CRIM1: variants seen among roughly 807,000 people sequenced by gnomAD.
The protein encoded by CRIM1 is cysteine-rich motor neuron 1 protein.
CRIM1 carries 32 observed loss-of-function variants against 116.4 expected under a neutral mutation model. That is an observed-to-expected ratio of 0.27 (90% CI 0.21 to 0.37). CRIM1 has a LOEUF of 0.37. Ranked by LOEUF, CRIM1 falls within the 10% of genes least tolerant of loss-of-function variation. The pLI, the probability that CRIM1 is intolerant of heterozygous loss-of-function variation, is 1.00. For synonymous variants in CRIM1, 590 were observed against 509.2 expected (o/e 1.16, Z -2.13); for missense variants, 1,331 against 1,354.8 (o/e 0.98, Z 0.28).
chr2:36,541,792 G>T (rs1666961407), intron 14 of CRIM1, among the ~76,000 whole-genome samples: 2 of 152,152 alleles, frequency 1.3e-5, no homozygotes, highest in African/African-American at 4.8e-5. Context: ...CTGTCCATCT[G>T]TAATGCCAAC....
chr2:36,356,501 G>C lies in CRIM1; in HGVS notation c.209G>C (p.Arg70Thr). The C allele has an allele frequency of 6.2e-7, 1 of 1,612,942 alleles. No individual in the cohort carries two copies. Among genetic ancestry groups the C allele is most frequent in the East Asian group, 2.2e-5 (1 of 44,836 alleles). ...TGCTGCTACACGTGCGCCAGCCAGA[G>C]GAACGAGAGCTGCGGCGGCACCTTC... Reference protein sequence around the residue: ...CGCCYTCASQRNESCGGTFGI... With the variant: ...CGCCYTCASQTNESCGGTFGI... Residue 70 changes from arginine to threonine, a missense_variant, in exon 1 of 17, where the codon AGG becomes ACG. Arg to Thr is a moderately conservative substitution (Grantham distance 71). Transcript: ENST00000280527. The surrounding 1 kb of genome is among the most constrained non-coding windows in gnomAD (Gnocchi z 4.3).
At chr2:36,438,324 G>A (rs1416941342) in intron 2 of CRIM1, among the ~76,000 whole-genome samples, 1 of 152,156 alleles carries the variant, frequency 6.6e-6, no homozygotes, top group Non-Finnish European at 1.5e-5. Flanking sequence ...TAGGAATTAA[G>A]TGCTATTTGC....
At chr2:36,538,949 C>A (rs748912924) in intron 14 of CRIM1, among the ~76,000 whole-genome samples, 4 of 152,156 alleles carry the variant, frequency 2.6e-5, no homozygotes, top group Non-Finnish European at 4.4e-5. Flanking sequence ...ATTTATTTCA[C>A]GAAGAGTCAT....
At chr2:36,494,224 G>A (rs955619234) in intron 7 of CRIM1, among the ~76,000 whole-genome samples, 11 of 151,766 alleles carry the variant, frequency 7.2e-5, no homozygotes, top group Admixed American at 2.0e-4. Flanking sequence ...GCTTAATTTC[G>A]CCATTGAGTA....
intron 2 of CRIM1, among the ~76,000 whole-genome samples, chr2:36,436,018 A>G (rs182468387): frequency 6.6e-6 from 1 of 151,970 alleles, no homozygotes; most frequent in African/African-American, 2.4e-5. Context: ...TAGACACCAT[A>G]GGGAAAGAGT....
intron 1 of CRIM1, among the ~76,000 whole-genome samples, chr2:36,362,641 G>GA (rs989790369): frequency 3.9e-5 from 6 of 152,204 alleles, no homozygotes; most frequent in African/African-American, 1.4e-4. Context: ...TCACATCTTT[G>GA]AAAACCTCTG....
At chr2:36,524,807 CTTTT>C (rs540458987) in intron 13 of CRIM1, among the ~76,000 whole-genome samples, 1 of 152,022 alleles carries the variant, frequency 6.6e-6, no homozygotes, top group Non-Finnish European at 1.5e-5. Context: ...TGTAGTCTTT[CTTTT>C]TATTTTTTAT....
At chr2:36,495,471 A>ATTT (rs1395233806) in intron 7 of CRIM1, among the ~76,000 whole-genome samples, 6 of 134,126 alleles carry the variant, frequency 4.5e-5, no homozygotes, top group South Asian at 2.4e-4. Flanking sequence ...TTATTTATTT[A>ATTT]TTTATTTTTT....
At chr2:36,384,796 C>G (rs1221386896) in intron 1 of CRIM1, among the ~76,000 whole-genome samples, 1 of 152,158 alleles carries the variant, frequency 6.6e-6, no homozygotes, top group Non-Finnish European at 1.5e-5. Flanking sequence ...TGCGAGATTT[C>G]TTAATGGGCC....
intron 4 of CRIM1, among the ~76,000 whole-genome samples, chr2:36,456,413 T>C (rs1357888208): frequency 2.0e-5 from 3 of 152,246 alleles, no homozygotes; most frequent in African/African-American, 7.2e-5. Context: ...GAATAACCTA[T>C]GTTGCTAAAC....
chr2:36,471,341 C>A (rs1348744691), intron 5 of CRIM1, among the ~76,000 whole-genome samples: 1 of 152,108 alleles, frequency 6.6e-6, no homozygotes, highest in Non-Finnish European at 1.5e-5. Context: ...GCATCACATG[C>A]TACAAAGAAA....
chr2:36,364,662 T>A (rs570566536), intron 1 of CRIM1, among the ~76,000 whole-genome samples: 1 of 152,208 alleles, frequency 6.6e-6, no homozygotes, highest in Non-Finnish European at 1.5e-5. Flanking sequence ...CAAACCTGCA[T>A]TGAAATCTTA....
Position 36,441,262 on chromosome 2 carries a change from G to C in CRIM1, c.510G>C (p.Glu170Asp). Residue 170 changes from glutamate (E) to aspartate (D), a missense_variant, in exon 3 of 17, where the codon GAG becomes GAC. Physicochemically the swap from Glu to Asp is conservative, Grantham distance 45 (BLOSUM62 2). This residue lies in a region of CRIM1 where 690 missense variants were observed against 676.0 expected (regional missense o/e 1.02). Transcript: ENST00000280527. ...CLSALKRIEE[E>D]KPDCSKARCE... is the part of the protein sequence containing the mutation. Reference sequence around the variant, plus strand: ...AATTCTTTCTCTCCCTTTTAGAAGAGAAGCCAGATTGCTCCAAGGCCCGCT... The same window carrying C: ...AATTCTTTCTCTCCCTTTTAGAAGACAAGCCAGATTGCTCCAAGGCCCGCT... 1 of 1,614,188 alleles carries C rather than the reference G, an allele frequency of 6.2e-7. No homozygotes were observed. Among genetic ancestry groups the C allele is most frequent in the South Asian group, 1.1e-5 (1 of 91,086 alleles).
chr2:36,409,600 G>C (rs1021518751), intron 2 of CRIM1, among the ~76,000 whole-genome samples: 2 of 152,200 alleles, frequency 1.3e-5, no homozygotes, highest in Non-Finnish European at 2.9e-5. Context: ...GAGTTATAAT[G>C]AGGGTAGAGC....
chr2:36,534,556 G>A (rs971391076), intron 13 of CRIM1, among the ~76,000 whole-genome samples: 4 of 135,134 alleles, frequency 3.0e-5, no homozygotes, highest in Non-Finnish European at 4.8e-5. Context: ...AGAGAGGGAG[G>A]GACAGGAAGG....
intron 4 of CRIM1, among the ~76,000 whole-genome samples, chr2:36,464,200 T>C (rs573566984): frequency 4.0e-4 from 61 of 152,290 alleles, no homozygotes; most frequent in South Asian, 1.2e-3. Context: ...CAGATACATA[T>C]GAAGATGTCC....
chr2:36,476,158 T>C (rs1678958761), intron 5 of CRIM1, among the ~76,000 whole-genome samples: 1 of 152,152 alleles, frequency 6.6e-6, no homozygotes, highest in Non-Finnish European at 1.5e-5. Context: ...CTTCTAAATA[T>C]GGGACTATGA....
chr2:36,508,480 A>G (rs992135101), intron 8 of CRIM1, among the ~76,000 whole-genome samples: 2 of 152,176 alleles, frequency 1.3e-5, no homozygotes, highest in Admixed American at 6.5e-5. Context: ...TGTTATTACA[A>G]TATTCATGCT....
chr2:36,394,308 T>C (rs904636220), intron 1 of CRIM1, among the ~76,000 whole-genome samples: 1 of 152,166 alleles, frequency 6.6e-6, no homozygotes, highest in Non-Finnish European at 1.5e-5. Context: ...AGTTATAAAT[T>C]TGCATATGTA....
Sources: gnomAD v4.1 joint callset for allele counts (sites outside exome capture counted in the v4.1 genomes callset) on GRCh38, gnomAD v4.1.1 for gene constraint, gnomAD v4.1.1 regional missense constraint, Gnocchi (gnomAD v3.1) non-coding constraint, MANE v1.5 for transcripts, NCBI Gene and HGNC (gene_info 2026-07-23, HGNC 2026-07-21) for gene names.